GPRC5D: variants seen among roughly 807,000 people sequenced by gnomAD.
GPRC5D encodes the protein G protein-coupled receptor class C group 5 member D, also known as G protein-coupled receptor family C group 5 member D.
Under a neutral mutation model 29.3 loss-of-function variants are expected in GPRC5D, and 20 were observed. That is an observed-to-expected ratio of 0.68 (90% CI 0.48 to 0.99). GPRC5D has a LOEUF of 0.99. Ranked by LOEUF, GPRC5D falls within the 50% of genes least tolerant of loss-of-function variation. The pLI, the probability that GPRC5D is intolerant of heterozygous loss-of-function variation, is 0.00. For missense variants in GPRC5D, 384 were observed against 423.6 expected (o/e 0.91, Z 0.82); for synonymous variants, 178 against 171.3 (o/e 1.04, Z -0.30).
chr12:12,946,757 A>G (rs1863359833), intron 1 of GPRC5D, among the ~76,000 whole-genome samples: 1 of 151,990 alleles, frequency 6.6e-6, no homozygotes, highest in African/African-American at 2.4e-5. Flanking sequence ...GCCCGGCCAT[A>G]CTTGTGAAAT....
chr12:12,940,938 G>A, intron 2 of GPRC5D, 89 bp from the exon 4 acceptor site: 2 of 830,946 alleles, frequency 2.4e-6, no homozygotes, highest in Non-Finnish European at 4.1e-6. Flanking sequence ...TTGAGACAGA[G>A]TCTTGCTCTG....
upstream of GPRC5D, chr12:12,950,421 T>C: frequency 7.1e-7 from 1 of 1,400,680 alleles, no homozygotes; most frequent in Non-Finnish European, 9.8e-7. Context: ...AGAATGGTTT[T>C]CTGATGCCCT....
chr12:12,949,351 A>G (rs539054432), intron 1 of GPRC5D, 139 bp downstream of exon 2: 13 of 688,482 alleles, frequency 1.9e-5, no homozygotes, highest in Admixed American at 1.0e-4. Flanking sequence ...CTGCATTTCT[A>G]TGCTTGAACT....
At chr12:12,944,810 C>G (rs138724477) in intron 1 of GPRC5D, among the ~76,000 whole-genome samples, 1 of 18,450 alleles carries the variant, frequency 5.4e-5, no homozygotes, top group Non-Finnish European at 1.1e-4. Flanking sequence ...CCCTTCCTTC[C>G]TTCCTTCCTT....
chr12:12,943,944 G>T (rs1863212951), intron 1 of GPRC5D, among the ~76,000 whole-genome samples: 1 of 152,288 alleles, frequency 6.6e-6, no homozygotes, highest in African/African-American at 2.4e-5. Flanking sequence ...TATCTGTGGA[G>T]AAGGCAGGGA....
At chr12:12,944,803 T>TCCC (rs1863239857) in intron 1 of GPRC5D, among the ~76,000 whole-genome samples, 1 of 7,744 alleles carries the variant, frequency 1.3e-4, no homozygotes, top group African/African-American at 2.1e-4. Context: ...CTTCCTTCCC[T>TCCC]TCCTTCCTTC....
chr12:12,949,027 A>G (rs1386790534), intron 1 of GPRC5D, among the ~76,000 whole-genome samples: 1 of 152,202 alleles, frequency 6.6e-6, no homozygotes, highest in Non-Finnish European at 1.5e-5. Context: ...GTTTAAGATT[A>G]CGTTTGGGCA....
At chr12:12,944,757 CT>C (rs1455757310) in intron 1 of GPRC5D, among the ~76,000 whole-genome samples, 3 of 36,078 alleles carry the variant, frequency 8.3e-5, no homozygotes, top group Non-Finnish European at 3.3e-4. Flanking sequence ...TCCTTCCTTC[CT>C]TTCTTCCTTC....
chr12:12,946,165 C>A (rs1209610197), intron 1 of GPRC5D, among the ~76,000 whole-genome samples: 2 of 152,150 alleles, frequency 1.3e-5, no homozygotes, highest in Non-Finnish European at 2.9e-5. Flanking sequence ...CATGCCTTTG[C>A]GTCCATTTCC....
chr12:12,944,831 TTCCTTCCTTCC>T (rs1565477202), intron 1 of GPRC5D, among the ~76,000 whole-genome samples: 21 of 11,130 alleles, frequency 1.9e-3, no homozygotes, highest in South Asian at 8.1e-3. Flanking sequence ...CCTTCCTTCC[TTCCTTCCTTCC>T]TTCCTTCCTT....
intron 2 of GPRC5D, among the ~76,000 whole-genome samples, chr12:12,941,906 C>T (rs1002353852): frequency 6.6e-5 from 10 of 152,202 alleles, no homozygotes; most frequent in African/African-American, 2.2e-4. Context: ...TGACCCCAAA[C>T]TCAGACATAT....
exon 1 of GPRC5D, chr12:12,949,813 G>A (rs756083464): frequency 1.9e-6 from 3 of 1,614,154 alleles, no homozygotes; most frequent in African/African-American, 1.3e-5. Flanking sequence ...GCCACAGAAG[G>A]TGGCTTTGGA....
chr12:12,947,254 A>G (rs1203485064), intron 1 of GPRC5D: 3 of 152,172 alleles, frequency 2.0e-5, no homozygotes, highest in Admixed American at 2.0e-4. Context: ...TTGTTTCCCT[A>G]CTATCAGCTC....
intron 1 of GPRC5D, among the ~76,000 whole-genome samples, chr12:12,946,446 C>T (rs1233128014): frequency 6.7e-6 from 1 of 149,990 alleles, no homozygotes; most frequent in Non-Finnish European, 1.5e-5. Context: ...TTCTCTCTCT[C>T]TCTCTCTCTT....
At chr12:12,944,897 CTTTCTTTCTCTCCCTTTCTT>C (rs1863265970) in intron 1 of GPRC5D, among the ~76,000 whole-genome samples, 1 of 129,446 alleles carries the variant, frequency 7.7e-6, no homozygotes, top group African/African-American at 2.8e-5. Flanking sequence ...TTCTTTCTTT[CTTTCTTTCTCTCCCTTTCTT>C]TCCCTTTCTT....
intron 1 of GPRC5D, among the ~76,000 whole-genome samples, chr12:12,947,986 G>C (rs925462065): frequency 7.9e-5 from 12 of 152,084 alleles, no homozygotes; most frequent in Non-Finnish European, 1.5e-4. Flanking sequence ...TGAGTCATAG[G>C]AGACTCCTGG....
At chr12:12,944,843 TTCCTTCC>T (rs1863253819) in intron 1 of GPRC5D, among the ~76,000 whole-genome samples, 2 of 28,256 alleles carry the variant, frequency 7.1e-5, no homozygotes, top group African/African-American at 1.5e-4. Context: ...CCTTCCTTCC[TTCCTTCC>T]TTCTTTCTTT....
chr12:12,944,165 G>A (rs971486869), intron 1 of GPRC5D, among the ~76,000 whole-genome samples: 16 of 152,132 alleles, frequency 1.1e-4, no homozygotes, highest in Admixed American at 1.3e-4. Flanking sequence ...GTGCAGTGGC[G>A]CAATCATAGC....
At chr12:12,940,779 ACTC>A (rs767075299) in exon 3 of GPRC5D, 2 of 1,588,480 alleles carry the variant, frequency 1.3e-6, no homozygotes, top group Non-Finnish European at 1.7e-6. Flanking sequence ...GTAGATTTAT[ACTC>A]CTCCTGCATC....
Sources: allele counts gnomAD v4.1 joint callset (sites outside exome capture counted in the v4.1 genomes callset), GRCh38; gene constraint gnomAD v4.1.1; transcripts MANE v1.5; gene names NCBI Gene and HGNC (gene_info 2026-07-23, HGNC 2026-07-21).